Variants in PHEX observed in about 807,000 individuals in gnomAD.
PHEX encodes phosphate-regulating neutral endopeptidase PHEX.
PHEX carries 16 observed loss-of-function variants against 68.0 expected under a neutral mutation model. The observed-to-expected ratio is 0.24, with a 90% CI of 0.16 to 0.36. The LOEUF is 0.36. Ranked by LOEUF, PHEX falls within the 10% of genes least tolerant of loss-of-function variation. PHEX has a pLI of 1.00. For synonymous variants in PHEX, 208 were observed against 205.1 expected, an observed-to-expected ratio of 1.01 and a Z score of -0.12; for missense variants, 480 against 575.5, an observed-to-expected ratio of 0.83 and a Z score of 1.70.
At chrX:22,234,823 A>AAAAAAAAAAC (rs1556175967) in intron 20 of PHEX, among the ~76,000 whole-genome samples, 4 of 107,756 alleles carry the variant, frequency 3.7e-5, no homozygotes, top group African/African-American at 1.4e-4. Flanking sequence ...GGTATCAAAA[A>AAAAAAAAAAC]AAAAAAAAAC....
rs1204093053 is a variant in PHEX at position 22,185,766 on chromosome X, T to C, written c.1587-4678T>C. 3.8e-5 allele frequency among the ~76,000 whole-genome samples: 4 copies of C among 104,560 alleles called. No homozygotes were observed. The East Asian group carries it at 1.2e-3, about 31-fold the overall frequency. The allele number at this position is 104,560 out of a possible 115,157, so 90.8% of individuals were successfully genotyped here. ...TGGTTCTCGTTTGTGGTTTTTTTTT[T>C]TTTTTTTGGACACAGAGTCTCACTC... On this transcript the variant is annotated intron_variant, in intron 14 of 21. Transcript: ENST00000379374.
chrX:22,125,954 G>A (rs1420505840), intron 11 of PHEX, among the ~76,000 whole-genome samples: 11 of 110,788 alleles, frequency 9.9e-5, no homozygotes, highest in African/African-American at 3.7e-4. Flanking sequence ...TTATCTGTTA[G>A]CATATATGAA....
intron 18 of PHEX, among the ~76,000 whole-genome samples, chrX:22,222,884 A>G (rs1384458534): frequency 4.5e-5 from 5 of 111,912 alleles, no homozygotes; most frequent in African/African-American, 1.3e-4. Flanking sequence ...TAGAGTCTAG[A>G]TTAGAGTTTA....
In PHEX at chrX:22,161,299, G is replaced by A. The variant is rs1019147903; in HGVS notation, c.1405-7013G>A. ...ATGTTAGCTGGGCATGGTGGCACAC[G>A]CCTGTGATCCCAGCTACTTGGTAGG... On this transcript the variant is annotated intron_variant, in intron 12 of 21. Transcript: ENST00000379374. Among the ~76,000 whole-genome samples the A allele has an allele frequency of 8.0e-5, 9 of 112,010 alleles. No homozygotes were observed. In the Admixed American group the frequency reaches 8.5e-4, roughly 11 times the overall value.
chrX:22,179,390 G>C (rs1933812198), intron 14 of PHEX, among the ~76,000 whole-genome samples: 1 of 110,789 alleles, frequency 9.0e-6, no homozygotes, highest in Admixed American at 9.7e-5. Context: ...AAGTTCTTTA[G>C]TGGTGATTTC....
In PHEX at chrX:22,047,184, A is replaced by G; in HGVS notation, c.322A>G (p.Arg108Gly). Residue 108 changes from arginine (R) to glycine (G), a missense_variant, in exon 3 of 22, where the codon AGA becomes GGA. Arg to Gly is a moderately radical substitution (Grantham distance 125). Coordinates refer to ENST00000379374, the MANE Select transcript of PHEX (RefSeq NM_000444.6). ...AAGCTATGGGGTTTATCCTTGGCTG[A>G]GACATAATGTTGACCTCAAGTTGAA... ...MPSYGVYPWL[R>G]HNVDLKLKEL... 6 of 1,210,161 alleles carry G rather than the reference A, an allele frequency of 5.0e-6. No individual in the cohort carries two copies. The highest frequency in any genetic ancestry group is 6.7e-6 in the Non-Finnish European group (6 of 893,961).
intron 13 of PHEX, among the ~76,000 whole-genome samples, chrX:22,173,279 C>T (rs892261977): frequency 9.0e-6 from 1 of 111,423 alleles, no homozygotes; most frequent in Admixed American, 9.5e-5. Context: ...CCAGCCAGGC[C>T]TCTGTAACTC....
At chrX:22,246,837 T>C (rs1276327082) in intron 21 of PHEX, among the ~76,000 whole-genome samples, 1 of 111,823 alleles carries the variant, frequency 8.9e-6, no homozygotes, top group Non-Finnish European at 1.9e-5. Context: ...ACAAAGTCAT[T>C]AGGGAAGAAA....
intron 9 of PHEX, among the ~76,000 whole-genome samples, chrX:22,101,550 T>C (rs1332126456): frequency 8.9e-6 from 1 of 111,993 alleles, no homozygotes; most frequent in East Asian, 2.8e-4. Context: ...GTAAGAGAGC[T>C]TTCTTCTAAA....
At chrX:22,240,269 C>T (rs1297049054) in intron 20 of PHEX, among the ~76,000 whole-genome samples, 1 of 112,206 alleles carries the variant, frequency 8.9e-6, no homozygotes, top group Non-Finnish European at 1.9e-5. Context: ...ACAACTGGTA[C>T]CAGCCACTGA....
chrX:22,056,928 G>A (rs1184806929), intron 3 of PHEX, among the ~76,000 whole-genome samples: 3 of 109,818 alleles, frequency 2.7e-5, no homozygotes, highest in African/African-American at 6.6e-5. Context: ...TGTGGCTTTT[G>A]GGTACCTGAA....
intron 12 of PHEX, among the ~76,000 whole-genome samples, chrX:22,161,410 C>T (rs1933124358): frequency 8.9e-6 from 1 of 112,269 alleles, no homozygotes; most frequent in Admixed American, 9.4e-5. Flanking sequence ...TGGATGACAC[C>T]GTGAGACTGT....
At chrX:22,198,204 TATGTTA>T (rs1934434992) in intron 15 of PHEX, among the ~76,000 whole-genome samples, 1 of 104,924 alleles carries the variant, frequency 9.5e-6, no homozygotes. Context: ...TACTTATATA[TATGTTA>T]ATATTGTATA....
chrX:22,132,004 T>G (rs1222560690), intron 11 of PHEX, among the ~76,000 whole-genome samples: 1 of 112,309 alleles, frequency 8.9e-6, no homozygotes, highest in Non-Finnish European at 1.9e-5. Flanking sequence ...ACGTACATCC[T>G]CACTATGGGT....
intron 12 of PHEX, among the ~76,000 whole-genome samples, chrX:22,158,506 G>A (rs1041949099): frequency 1.8e-5 from 2 of 112,247 alleles, no homozygotes; most frequent in Non-Finnish European, 3.8e-5. Flanking sequence ...ATTTAATTAA[G>A]TGATTAAAGT....
At chrX:22,164,272 A>G (rs1482867045) in intron 12 of PHEX, among the ~76,000 whole-genome samples, 7 of 112,003 alleles carry the variant, frequency 6.2e-5, no homozygotes, top group Non-Finnish European at 1.3e-4. Context: ...TGTGGCAGAA[A>G]AAAACATTTG....
At position 22,193,165 on chromosome X, in the gene PHEX, T is replaced by C. The variant is rs1051305454; in HGVS notation, c.1645+2663T>C. Among the ~76,000 whole-genome samples the C allele has an allele frequency of 8.1e-5, 9 of 111,037 alleles. No homozygotes were observed. The East Asian group carries it at 2.5e-3, about 31-fold the overall frequency. ...TGATATTTGAGTTATTAATTATAAC[T>C]AATACTTATAATAATTTATTATTAA... is the stretch of plus-strand genomic sequence containing the variant. On this transcript the variant is annotated intron_variant, in intron 15 of 21. Transcript: ENST00000379374.
At position 22,111,470 on chromosome X, in the gene PHEX, C is replaced by A. The variant is rs753547432; in HGVS notation, c.1083C>A (p.Thr361=). The change falls in exon 10 of 22, where the codon ACC becomes ACA. Residue 361 remains threonine (T), a synonymous_variant. Transcript: ENST00000379374. ...FRILGSERKK[T]IANYLVWRMV... Reference sequence around the variant, plus strand: ...GGGCATCTCTCTCTGTTAACAGGACCATTGCCAACTATTTGGTGTGGAGAA... The same window carrying A: ...GGGCATCTCTCTCTGTTAACAGGACAATTGCCAACTATTTGGTGTGGAGAA... 1 of 1,200,881 alleles carries A rather than the reference C, an allele frequency of 8.3e-7. No individual in the cohort carries two copies. Among genetic ancestry groups the A allele is most frequent in the South Asian group, 1.8e-5 (1 of 56,744 alleles).
chrX:22,038,343 T>C, intron 1 of PHEX, 126 bp from the exon 2 acceptor site: 1 of 571,028 alleles, frequency 1.8e-6, no homozygotes, highest in Non-Finnish European at 3.2e-6. Context: ...CAACTGGGTT[T>C]TGGAATACCG....
Sources: gnomAD v4.1 joint callset for allele counts (sites outside exome capture counted in the v4.1 genomes callset) on GRCh38, gnomAD v4.1.1 for gene constraint, MANE v1.5 for transcripts, NCBI Gene and HGNC (gene_info 2026-07-23, HGNC 2026-07-21) for gene names.